The following PCDH17 variants were observed in gnomAD, a reference collection of about 807,000 sequenced individuals.
The protein encoded by PCDH17 is protocadherin 17.
A neutral mutation model predicts 67.7 loss-of-function variants in PCDH17; 21 were observed. The ratio of observed to expected loss-of-function variants is 0.31; its 90% CI spans 0.22 to 0.45. The LOEUF is 0.45. Among genes scored for constraint, PCDH17 ranks in the 20% least tolerant of loss-of-function variants. The probability of loss-of-function intolerance (pLI) is 1.00; values close to 1 mark genes in which losing one functional copy is unlikely to be tolerated. For synonymous variants in PCDH17, 701 were observed against 656.7 expected (o/e 1.07, Z -1.03); for missense variants, 1,471 against 1,564.8 (o/e 0.94, Z 1.01).
rs1051866654 is a variant in PCDH17 at position 57,635,218 on chromosome 13, A to G, written c.2565+107A>G. The G allele has an allele frequency of 9.2e-5, 102 of 1,106,882 alleles. 1 individual carries two copies. Among genetic ancestry groups the G allele is most frequent in the African/African-American group, 3.5e-4 (22 of 63,516 alleles). 68.6% of individuals were successfully genotyped at this position (1,106,882 alleles called of 1,614,324 possible). ...CACTCTGCCAGCAGCAGTGAGGGGG[A>G]AAAATAATTAAATGAAAACGGTTTA... On this transcript the variant is annotated intron_variant, in intron 1 of 3. Transcript: ENST00000377918.
intron 1 of PCDH17, among the ~76,000 whole-genome samples, chr13:57,638,148 A>G (rs765080321): frequency 1.3e-5 from 2 of 152,152 alleles, no homozygotes; most frequent in African/African-American, 2.4e-5. Flanking sequence ...GAATAGGAGC[A>G]CAGGTTTTGT....
Position 57,632,683 on chromosome 13 carries a change from C to T in PCDH17, c.137C>T (p.Pro46Leu). 6.2e-7 allele frequency: 1 copy of T among 1,611,716 alleles called. No homozygotes were observed. Among genetic ancestry groups the T allele is most frequent in the Non-Finnish European group, 8.5e-7 (1 of 1,179,924 alleles). ...GNIGRDARLQ[P>L]GLPPAERGGG... is the part of the protein sequence containing the mutation. ...ATCGGCAGGGATGCTCGACTGCAGC[C>T]TGGGCTTCCGCCTGCAGAGCGCGGC... is the stretch of plus-strand genomic sequence containing the variant. The change falls in exon 1 of 4, where the codon CCT (proline) becomes CTT (leucine). Residue 46 changes from proline (P) to leucine (L), a missense_variant. By Grantham distance (98) the Pro-to-Leu change is moderately conservative. This residue lies in a region of PCDH17 where 1,163 missense variants were observed against 1,230.0 expected (regional missense o/e 0.95). Coordinates refer to ENST00000377918, the MANE Select transcript of PCDH17 (RefSeq NM_001040429.3).
intron 1 of PCDH17, among the ~76,000 whole-genome samples, chr13:57,635,905 G>A (rs1351237025): frequency 6.6e-6 from 1 of 152,164 alleles, no homozygotes; most frequent in Non-Finnish European, 1.5e-5. Flanking sequence ...ATACAGCAGA[G>A]GACCAGAGGC....
chr13:57,633,354 G>A lies in PCDH17; in HGVS notation c.808G>A (p.Ala270Thr), dbSNP rs758335990. Residue 270 changes from alanine to threonine, a missense_variant, in exon 1 of 4, where the codon GCC becomes ACC. Ala to Thr is a moderately conservative substitution (Grantham distance 58, BLOSUM62 0). Coordinates refer to ENST00000377918, the MANE Select transcript of PCDH17 (RefSeq NM_001040429.3). This position sits in a 1 kb window ranked among gnomAD's most constrained non-coding sequence, Gnocchi z 6.2. The stretch of plus-strand genomic sequence containing the variant: ...GGTCATCGATCTGAACGCCACCGAC[G>A]CCGATGAAGGTCCCAATGGTGAAGT... The part of the protein sequence containing the change: ...TVVIDLNATD[A>T]DEGPNGEVLY... 1.4e-5 allele frequency: 22 copies of A among 1,613,134 alleles called. No individual in the cohort carries two copies. Among genetic ancestry groups the A allele is most frequent in the Non-Finnish European group, 1.8e-5 (21 of 1,180,024 alleles).
chr13:57,672,206 T>G (rs1955331581), intron 3 of PCDH17, among the ~76,000 whole-genome samples: 2 of 152,018 alleles, frequency 1.3e-5, no homozygotes, highest in Admixed American at 1.3e-4. Context: ...AAGGATGGCC[T>G]TTTTTTCCTT....
At chr13:57,660,095 AAGAT>A (rs1955165289) in intron 1 of PCDH17, among the ~76,000 whole-genome samples, 1 of 152,078 alleles carries the variant, frequency 6.6e-6, no homozygotes, top group Non-Finnish European at 1.5e-5. Context: ...AGAAAAAAGA[AAGAT>A]AGCCGCCATG....
At chr13:57,672,548 G>A (rs1357914836) in intron 3 of PCDH17, among the ~76,000 whole-genome samples, 2 of 151,930 alleles carry the variant, frequency 1.3e-5, no homozygotes, top group African/African-American at 4.8e-5. Flanking sequence ...GAAAGCTATA[G>A]CAAGGAAATA....
chr13:57,647,337 A>C (rs1450681229), intron 1 of PCDH17, among the ~76,000 whole-genome samples: 1 of 151,784 alleles, frequency 6.6e-6, no homozygotes, highest in Non-Finnish European at 1.5e-5. Context: ...TCTTATGCTG[A>C]CCTGTTCTAA....
chr13:57,663,894 C>G (rs949610746), intron 1 of PCDH17, among the ~76,000 whole-genome samples: 1 of 151,848 alleles, frequency 6.6e-6, no homozygotes, highest in African/African-American at 2.4e-5. Flanking sequence ...TCTTGCTATT[C>G]CTCAGATTTC....
Position 57,725,622 on chromosome 13 carries a change from A to G in PCDH17, c.*328A>G, listed in dbSNP as rs1955910828. On this transcript the variant is annotated 3_prime_UTR_variant, in exon 4 of 4. Transcript: ENST00000377918. ...CCTTTTGACAATCTGTTAGGAAGGT[A>G]TGCAGTGTGAGAACTGAAGTATTTC... 1 of 242,850 alleles carries G rather than the reference A, an allele frequency of 4.1e-6. No homozygotes were observed. Among genetic ancestry groups the G allele is most frequent in the Non-Finnish European group, 8.0e-6 (1 of 124,670 alleles). The allele number at this position is 242,850 out of a possible 1,614,324, so 15.0% of individuals were successfully genotyped here. A position where few individuals can be genotyped will look rare whatever the true frequency, so the allele number is the denominator to read the frequency against.
chr13:57,709,903 T>C (rs1286849479), intron 3 of PCDH17, among the ~76,000 whole-genome samples: 1 of 151,892 alleles, frequency 6.6e-6, no homozygotes, highest in Non-Finnish European at 1.5e-5. Flanking sequence ...AGTAATTTTC[T>C]TTATTGTTTC....
chr13:57,666,816 G>T lies in PCDH17; in HGVS notation c.2780G>T (p.Ser927Ile), dbSNP rs1219575128. 1.2e-6 allele frequency: 2 copies of T among 1,609,562 alleles called. No individual in the cohort carries two copies. The highest frequency in any genetic ancestry group is 1.7e-5 in the Admixed American group (1 of 59,244). Residue 927 changes from serine to isoleucine, a missense_variant, in exon 3 of 4, where the codon AGC (serine) becomes ATC (isoleucine). By Grantham distance (142) the Ser-to-Ile change is moderately radical (BLOSUM62 -2). Coordinates refer to ENST00000377918, the MANE Select transcript of PCDH17 (RefSeq NM_001040429.3). ...AAGATGAAAACTACTTCAACTAAAA[G>T]CCAACCACTTGAACAAGGTGAGTGA... ...ALKMKTTSTK[S>I]QPLEQEPEEC... is the part of the protein sequence containing the mutation.
chr13:57,707,344 T>TGA (rs1342368327), intron 3 of PCDH17, among the ~76,000 whole-genome samples: 3 of 150,816 alleles, frequency 2.0e-5, no homozygotes. Flanking sequence ...CGTGTGTGTG[T>TGA]GTGTGTGTGT....
intron 1 of PCDH17, among the ~76,000 whole-genome samples, chr13:57,646,110 A>C (rs1954962594): frequency 6.6e-6 from 1 of 151,550 alleles, no homozygotes; most frequent in African/African-American, 2.4e-5. Flanking sequence ...ATCATCTACC[A>C]TGTGATAATC....
At chr13:57,716,838 C>T (rs1268627028) in intron 3 of PCDH17, among the ~76,000 whole-genome samples, 1 of 151,718 alleles carries the variant, frequency 6.6e-6, no homozygotes, top group Admixed American at 6.6e-5. Context: ...CCCAAGATAC[C>T]CCTCCTTGAA....
rs752744213 is a variant in PCDH17 at position 57,632,628 on chromosome 13, G to C, written c.82G>C (p.Glu28Gln). 12 of 1,613,592 alleles carry C rather than the reference G, an allele frequency of 7.4e-6. No homozygotes were observed. The highest frequency in any genetic ancestry group is 1.0e-5 in the Non-Finnish European group (12 of 1,179,960). ...GAACCTCAACTACTCCGTGCCGGAG[G>C]AGCAAGGGGCCGGCACGGTGATCGG... ...LKNLNYSVPEEQGAGTVIGNI... is the reference protein window; with the variant it reads ...LKNLNYSVPEQQGAGTVIGNI... Residue 28 changes from glutamate to glutamine, a missense_variant, in exon 1 of 4, where the codon GAG becomes CAG. Coordinates refer to ENST00000377918, the MANE Select transcript of PCDH17 (RefSeq NM_001040429.3).
chr13:57,677,293 A>G (rs1039126800), intron 3 of PCDH17, among the ~76,000 whole-genome samples: 9 of 151,860 alleles, frequency 5.9e-5, no homozygotes, highest in African/African-American at 2.2e-4. Context: ...ATATAGTAAA[A>G]TGTAGAAAAT....
intron 3 of PCDH17, among the ~76,000 whole-genome samples, chr13:57,714,458 T>C (rs949964749): frequency 2.6e-5 from 4 of 151,824 alleles, no homozygotes; most frequent in African/African-American, 9.6e-5. Flanking sequence ...GATGTATTCA[T>C]CCATGTCATC....
intron 1 of PCDH17, among the ~76,000 whole-genome samples, chr13:57,645,613 A>C (rs958805274): frequency 6.6e-6 from 1 of 151,300 alleles, no homozygotes; most frequent in African/African-American, 2.4e-5. Flanking sequence ...TTACAACTTC[A>C]TGGAGAAAGA....
Sources: gnomAD v4.1 joint callset for allele counts (sites outside exome capture counted in the v4.1 genomes callset) on GRCh38, gnomAD v4.1.1 for gene constraint, gnomAD v4.1.1 regional missense constraint, Gnocchi (gnomAD v3.1) non-coding constraint, MANE v1.5 for transcripts, NCBI Gene and HGNC (gene_info 2026-07-23, HGNC 2026-07-21) for gene names.